The following ARHGAP6 variants were observed in gnomAD, a reference collection of about 807,000 sequenced individuals.
ARHGAP6 encodes Rho GTPase activating protein 6.
In ARHGAP6, 16 loss-of-function variants were observed where a neutral mutation model predicts 55.7. The observed-to-expected ratio is 0.29, with a 90% CI of 0.19 to 0.44. ARHGAP6 has a LOEUF of 0.44. Ranked by LOEUF, ARHGAP6 falls within the 20% of genes least tolerant of loss-of-function variation. The pLI is 1.00. For synonymous variants in ARHGAP6, 382 were observed against 360.9 expected (o/e 1.06, Z -0.66); for missense variants, 698 against 808.9 (o/e 0.86, Z 1.66).
At chrX:11,623,752 G>A (rs766578892) in intron 1 of ARHGAP6, among the ~76,000 whole-genome samples, 51 of 104,513 alleles carry the variant, frequency 4.9e-4, no homozygotes, top group African/African-American at 1.8e-3. Context: ...ATATTGGAAA[G>A]ATATCCTATG....
At chrX:11,348,822 G>GT (rs1326833965) in intron 1 of ARHGAP6, among the ~76,000 whole-genome samples, 6 of 109,807 alleles carry the variant, frequency 5.5e-5, no homozygotes, top group East Asian at 2.9e-4. Flanking sequence ...ATTAAAAAAA[G>GT]TTTTTTTTAA....
At chrX:11,174,671 C>A (rs916099926) in intron 8 of ARHGAP6, among the ~76,000 whole-genome samples, 6 of 80,047 alleles carry the variant, frequency 7.5e-5, no homozygotes, top group African/African-American at 3.0e-4. Flanking sequence ...TTCTTTCTTT[C>A]TTTCTTTCTT....
chrX:11,548,568 G>A (rs962493009), intron 1 of ARHGAP6, among the ~76,000 whole-genome samples: 8 of 110,691 alleles, frequency 7.2e-5, no homozygotes, highest in African/African-American at 1.6e-4. Context: ...AGGCTCATCC[G>A]TATTGCCAAG....
chrX:11,449,270 C>T (rs763315069), intron 1 of ARHGAP6, among the ~76,000 whole-genome samples: 16 of 112,097 alleles, frequency 1.4e-4, no homozygotes, highest in Non-Finnish European at 1.9e-4. Context: ...TCCCCACCTT[C>T]GCAAGCCCCA....
chrX:11,576,615 C>A (rs976146127), intron 1 of ARHGAP6, among the ~76,000 whole-genome samples: 1 of 112,003 alleles, frequency 8.9e-6, no homozygotes, highest in African/African-American at 3.2e-5. Context: ...AATAAGCATA[C>A]AATATCAGAT....
intron 1 of ARHGAP6, among the ~76,000 whole-genome samples, chrX:11,445,884 T>C (rs1457576777): frequency 1.8e-5 from 2 of 110,801 alleles, no homozygotes; most frequent in East Asian, 5.7e-4. Flanking sequence ...GAGAAATAGA[T>C]AGGATGGGCC....
At chrX:11,303,980 C>G (rs983118495) in intron 1 of ARHGAP6, among the ~76,000 whole-genome samples, 1 of 112,048 alleles carries the variant, frequency 8.9e-6, no homozygotes, top group African/African-American at 3.2e-5. Context: ...GAGCTTTGTC[C>G]TGCCTCTGTA....
chrX:11,359,755 C>T (rs1320759664), intron 1 of ARHGAP6, among the ~76,000 whole-genome samples: 64 of 102,893 alleles, frequency 6.2e-4, no homozygotes, highest in Admixed American at 7.2e-4. Flanking sequence ...TGATAGACCG[C>T]TAGCAAGACT....
intron 4 of ARHGAP6, 112 bp downstream of exon 4, chrX:11,188,616 T>C (rs1157304739): frequency 3.8e-6 from 4 of 1,045,923 alleles, no homozygotes; most frequent in Non-Finnish European, 5.2e-6. Flanking sequence ...TGTTGACAGA[T>C]ACCTGAACAC....
At chrX:11,555,260 C>T (rs183191359) in intron 1 of ARHGAP6, among the ~76,000 whole-genome samples, 9 of 111,955 alleles carry the variant, frequency 8.0e-5, no homozygotes, top group African/African-American at 2.9e-4. Flanking sequence ...GGAGGTAGTC[C>T]TCATGTAGCT....
chrX:11,190,619 G>A (rs775989082), intron 3 of ARHGAP6, among the ~76,000 whole-genome samples: 6 of 109,735 alleles, frequency 5.5e-5, no homozygotes, highest in Non-Finnish European at 1.1e-4. Context: ...TGGTAAGGCT[G>A]ACAGCTACAT....
chrX:11,595,261 G>C (rs1289259998), intron 1 of ARHGAP6, among the ~76,000 whole-genome samples: 2 of 104,520 alleles, frequency 1.9e-5, no homozygotes, highest in Admixed American at 2.1e-4. Flanking sequence ...TTGCACTCCA[G>C]CCTGGGTGAC....
intron 1 of ARHGAP6, among the ~76,000 whole-genome samples, chrX:11,262,621 C>T (rs762910854): frequency 2.2e-4 from 25 of 111,427 alleles, no homozygotes; most frequent in Non-Finnish European, 2.4e-4. Context: ...ATCGGAATCA[C>T]GTGGGCAGAA....
chrX:11,277,733 G>A (rs1159136518), intron 1 of ARHGAP6, among the ~76,000 whole-genome samples: 1 of 108,568 alleles, frequency 9.2e-6, no homozygotes, highest in Non-Finnish European at 1.9e-5. Flanking sequence ...GCCCTGTAAT[G>A]GCTATACCAC....
intron 1 of ARHGAP6, among the ~76,000 whole-genome samples, chrX:11,408,881 A>G (rs1338611275): frequency 9.1e-6 from 1 of 109,541 alleles, no homozygotes; most frequent in Non-Finnish European, 1.9e-5. Flanking sequence ...CTAATTGAGG[A>G]AATTGATCAT....
chrX:11,461,516 A>G (rs1035204152), intron 1 of ARHGAP6, among the ~76,000 whole-genome samples: 3 of 111,847 alleles, frequency 2.7e-5, no homozygotes, highest in African/African-American at 9.8e-5. Flanking sequence ...TGCCTAACAC[A>G]CTTGCTGGAC....
intron 1 of ARHGAP6, among the ~76,000 whole-genome samples, chrX:11,323,858 C>A (rs1252453971): frequency 1.0e-5 from 1 of 97,934 alleles, no homozygotes; most frequent in East Asian, 3.0e-4. Flanking sequence ...GAGTGAAAAC[C>A]CCCATTTCAA....
intron 2 of ARHGAP6, among the ~76,000 whole-genome samples, chrX:11,253,355 A>T (rs921394171): frequency 3.6e-5 from 4 of 111,221 alleles, no homozygotes; most frequent in African/African-American, 1.3e-4. Context: ...ATTTATGAAT[A>T]AATATTCATG....
chrX:11,414,713 T>G (rs1274804905), intron 1 of ARHGAP6, among the ~76,000 whole-genome samples: 9 of 112,041 alleles, frequency 8.0e-5, no homozygotes. Flanking sequence ...TTGATCAAAT[T>G]AATAATTTAA....
Sources: allele counts gnomAD v4.1 joint callset (sites outside exome capture counted in the v4.1 genomes callset), GRCh38; gene constraint gnomAD v4.1.1; transcripts MANE v1.5; gene names NCBI Gene and HGNC (gene_info 2026-07-23, HGNC 2026-07-21).